Variants in TUSC3 observed in about 807,000 individuals in gnomAD.
TUSC3 encodes the protein tumor suppressor candidate 3, also known as dolichyl-diphosphooligosaccharide--protein glycosyltransferase subunit TUSC3.
In TUSC3, 45 loss-of-function variants were observed where a neutral mutation model predicts 44.8. The ratio of observed to expected loss-of-function variants is 1.00; its 90% CI spans 0.79 to 1.29. TUSC3 has a LOEUF of 1.29. Ranked by LOEUF, TUSC3 falls within the 50% of genes most tolerant of loss-of-function variation. The pLI is 0.00. For missense variants in TUSC3, 519 were observed against 437.9 expected, an observed-to-expected ratio of 1.19 and a Z score of -1.65; for synonymous variants, 212 against 152.9, an observed-to-expected ratio of 1.39 and a Z score of -2.85.
At chr8:15,602,521 A>G (rs1804331719) in intron 1 of TUSC3, among the ~76,000 whole-genome samples, 1 of 151,626 alleles carries the variant, frequency 6.6e-6, no homozygotes, top group Admixed American at 6.6e-5. Context: ...GAAGTAATGC[A>G]GAGCTGTGAG....
chr8:15,461,687 T>C (rs1800347583), intron 1 of TUSC3, among the ~76,000 whole-genome samples: 1 of 151,862 alleles, frequency 6.6e-6, no homozygotes, highest in Admixed American at 6.6e-5. Context: ...AGATGGCTTT[T>C]ATTACATTGA....
chr8:15,769,807 C>A (rs1007058620), downstream of TUSC3, among the ~76,000 whole-genome samples: 1 of 152,204 alleles, frequency 6.6e-6, no homozygotes, highest in African/African-American at 2.4e-5. Context: ...GGCCCACAAA[C>A]GTTAAAGAAA....
At chr8:15,739,621 G>A in intron 7 of TUSC3, among the ~76,000 whole-genome samples, 1 of 150,948 alleles carries the variant, frequency 6.6e-6, no homozygotes, top group Admixed American at 6.6e-5. Flanking sequence ...TCTTTAAAAT[G>A]GCAATTTTGT....
chr8:15,839,165 T>TTA, the TUSC3 span, among the ~76,000 whole-genome samples: 1 of 152,144 alleles, frequency 6.6e-6, no homozygotes, highest in African/African-American at 2.4e-5. Context: ...TGTTTGTCTG[T>TTA]TATTGGTGTA....
intron 1 of TUSC3, among the ~76,000 whole-genome samples, chr8:15,452,632 T>A (rs1200623958): frequency 6.6e-6 from 1 of 152,144 alleles, no homozygotes; most frequent in Non-Finnish European, 1.5e-5. Flanking sequence ...CTGCCTTGCT[T>A]TGTAGTCCAG....
chr8:15,791,029 T>C, the TUSC3 span, among the ~76,000 whole-genome samples: 1 of 152,120 alleles, frequency 6.6e-6, no homozygotes. Flanking sequence ...ATTGCAGTAC[T>C]CAAGGCCAAA....
chr8:15,515,522 A>C (rs983682434), intron 2 of TUSC3, among the ~76,000 whole-genome samples: 3 of 152,136 alleles, frequency 2.0e-5, no homozygotes, highest in African/African-American at 7.2e-5. Context: ...TCCTTGGTTC[A>C]TTAATAGGTA....
chr8:15,523,684 G>GTATA (rs1416555276), intron 2 of TUSC3, among the ~76,000 whole-genome samples: 868 of 40,438 alleles, frequency 0.021, 47 homozygotes, highest in South Asian at 0.061. Context: ...GTGTGTGTGT[G>GTATA]TGTGTGTGTG....
downstream of TUSC3, among the ~76,000 whole-genome samples, chr8:15,767,343 CATCT>C (rs1156657153): frequency 4.0e-5 from 6 of 151,472 alleles, no homozygotes; most frequent in Non-Finnish European, 5.9e-5. Context: ...AATGTGGATA[CATCT>C]ATCTATTTCC....
chr8:15,471,906 C>T (rs1480836109), intron 1 of TUSC3, among the ~76,000 whole-genome samples: 1 of 152,138 alleles, frequency 6.6e-6, no homozygotes, highest in African/African-American at 2.4e-5. Flanking sequence ...GCATGAGCTG[C>T]CACACCTGGC....
chr8:15,485,660 G>A (rs1800724373), intron 2 of TUSC3, among the ~76,000 whole-genome samples: 1 of 152,206 alleles, frequency 6.6e-6, no homozygotes, highest in African/African-American at 2.4e-5. Context: ...CGTCAGTGCA[G>A]GGAAGAGTAT....
At chr8:15,592,162 C>T (rs1037225145) in intron 1 of TUSC3, among the ~76,000 whole-genome samples, 1 of 152,120 alleles carries the variant, frequency 6.6e-6, no homozygotes, top group African/African-American at 2.4e-5. Context: ...AGTTGTTTTC[C>T]ACTTAGTAAA....
chr8:15,684,001 G>C (rs7821159), intron 6 of TUSC3, among the ~76,000 whole-genome samples: 130 of 152,174 alleles, frequency 8.5e-4, no homozygotes, highest in African/African-American at 3.1e-3. Context: ...GTAATTCAGA[G>C]TGCAGTCCAC....
intron 1 of TUSC3, among the ~76,000 whole-genome samples, chr8:15,545,060 C>CTATT (rs910539476): frequency 1.1e-4 from 17 of 151,552 alleles, no homozygotes; most frequent in African/African-American, 4.1e-4. Context: ...ATACATAATA[C>CTATT]CTAAGATGTA....
Position 15,652,121 on chromosome 8 carries a change from T to A in TUSC3, c.426+1307T>A, listed in dbSNP as rs554985891. Among the ~76,000 whole-genome samples the A allele has an allele frequency of 2.0e-5, 3 of 152,308 alleles. No individual in the cohort carries two copies. The South Asian group carries it at 6.2e-4, about 32-fold the overall frequency. ...CAGTTCATTATTATTTTTTAAAATG[T>A]TTTTACTATGTGATCAATCTATTTA... On this transcript the variant is annotated intron_variant, in intron 3 of 10. Transcript: ENST00000503731.
At chr8:15,643,055 T>A in intron 2 of TUSC3, among the ~76,000 whole-genome samples, 1 of 152,188 alleles carries the variant, frequency 6.6e-6, no homozygotes, top group Admixed American at 6.5e-5. Flanking sequence ...CATGTTGTTC[T>A]GATGATAGTG....
chr8:15,836,724 G>A, the TUSC3 span, among the ~76,000 whole-genome samples: 1 of 151,694 alleles, frequency 6.6e-6, no homozygotes, highest in South Asian at 2.1e-4. Context: ...CATTTATATT[G>A]CCAATTAAAT....
At position 15,688,330 on chromosome 8, in the gene TUSC3, A is replaced by G. The variant is rs552720239; in HGVS notation, c.798+14494A>G. Among the ~76,000 whole-genome samples the G allele has an allele frequency of 8.5e-5, 13 of 152,324 alleles. No homozygotes were observed. The East Asian group carries it at 1.9e-3, about 23-fold the overall frequency. On this transcript the variant is annotated intron_variant, in intron 6 of 10. Coordinates refer to ENST00000503731, the MANE Select transcript of TUSC3 (RefSeq NM_006765.4). ...TGTTTTCAATGCATGTTTATCAAGC[A>G]TCATTAGGTTTTGACTCCACATAAT...
chr8:15,517,675 A>G (rs116292143), intron 2 of TUSC3, among the ~76,000 whole-genome samples: 2,582 of 152,106 alleles, frequency 0.017, 76 homozygotes, highest in African/African-American at 0.059. Flanking sequence ...TTCAAGTTAT[A>G]CTGCACACGA....
Sources: gnomAD v4.1 joint callset for allele counts (sites outside exome capture counted in the v4.1 genomes callset) on GRCh38, gnomAD v4.1.1 for gene constraint, MANE v1.5 for transcripts, NCBI Gene and HGNC (gene_info 2026-07-23, HGNC 2026-07-21) for gene names.